Variants in PDE9A observed in about 807,000 individuals in gnomAD.
PDE9A encodes phosphodiesterase 9A, also known as high affinity cGMP-specific 3',5'-cyclic phosphodiesterase 9A.
A neutral mutation model predicts 87.4 loss-of-function variants in PDE9A; 60 were observed. That is an observed-to-expected ratio of 0.69 (90% CI 0.56 to 0.85). The LOEUF (loss-of-function observed/expected upper bound fraction) is 0.85, where lower values mean the gene tolerates loss of function less well. Ranked by LOEUF, PDE9A falls within the 40% of genes least tolerant of loss-of-function variation. PDE9A has a pLI of 0.00. For synonymous variants in PDE9A, 272 were observed against 279.4 expected (o/e 0.97, Z 0.27); for missense variants, 665 against 779.0 (o/e 0.85, Z 1.74).
At chr21:42,701,910 C>T (rs893705453) in intron 4 of PDE9A, among the ~76,000 whole-genome samples, 3 of 152,170 alleles carry the variant, frequency 2.0e-5, no homozygotes, top group African/African-American at 7.2e-5. Context: ...CCTCTGGCAA[C>T]TTAAGATGTT....
chr21:42,686,086 C>A, intron 1 of PDE9A, 106 bp from the exon 2 acceptor site: 2 of 780,362 alleles, frequency 2.6e-6, no homozygotes, highest in Non-Finnish European at 4.4e-6. Context: ...CTTTTCTTTT[C>A]AAAACGAACC....
chr21:42,703,192 T>A (rs552784903), intron 4 of PDE9A, among the ~76,000 whole-genome samples: 1 of 152,278 alleles, frequency 6.6e-6, no homozygotes, highest in African/African-American at 2.4e-5. Context: ...GGGAGGGGGT[T>A]GCTGCGGGTG....
At chr21:42,699,618 C>G (rs1213363286) in intron 4 of PDE9A, among the ~76,000 whole-genome samples, 1 of 151,694 alleles carries the variant, frequency 6.6e-6, no homozygotes, top group Non-Finnish European at 1.5e-5. Flanking sequence ...TGCAGTGGCA[C>G]GATCTCGGCT....
intron 16 of PDE9A, 33 bp from the exon 17 acceptor site, chr21:42,768,994 C>T: frequency 6.3e-7 from 1 of 1,587,400 alleles, no homozygotes; most frequent in Middle Eastern, 1.7e-4. Flanking sequence ...GCATTTCTGT[C>T]TCTAATGTCA....
intron 1 of PDE9A, among the ~76,000 whole-genome samples, chr21:42,667,140 C>T (rs1472096237): frequency 1.3e-5 from 2 of 152,214 alleles, no homozygotes; most frequent in Non-Finnish European, 2.9e-5. Context: ...AGCAAACAAC[C>T]CCAACATGCT....
chr21:42,755,065 A>T (rs777526232), intron 10 of PDE9A, among the ~76,000 whole-genome samples: 1 of 152,106 alleles, frequency 6.6e-6, no homozygotes, highest in African/African-American at 2.4e-5. Context: ...CTCTTTTCAC[A>T]CCCCAAAAAA....
intron 7 of PDE9A, among the ~76,000 whole-genome samples, chr21:42,737,602 T>C (rs13053087): frequency 0.56 from 84,865 of 151,398 alleles, 23,986 homozygotes; most frequent in South Asian, 0.69. Context: ...GGATTATAGC[T>C]GCCCGCCACC....
chr21:42,754,149 T>C, intron 10 of PDE9A, 85 bp downstream of exon 10: 1 of 726,284 alleles, frequency 1.4e-6, no homozygotes, highest in Non-Finnish European at 2.4e-6. Context: ...CCATCGCTCT[T>C]CCTCCTTCTT....
chr21:42,686,171 C>T (rs1234869154), intron 1 of PDE9A, 21 bp from the exon 2 acceptor site: 3 of 1,608,032 alleles, frequency 1.9e-6, no homozygotes, highest in Non-Finnish European at 2.6e-6. Flanking sequence ...GCTGCCGCCT[C>T]ACCGCGCTTC....
chr21:42,753,806 G>A lies in PDE9A; in HGVS notation c.736-184G>A, dbSNP rs569584323. Reference sequence around the variant, plus strand: ...TTGAACCCAGGAGGCAGAGGTTGCCGTGAGCCAAGATCGCACCACTGCACT... The same window carrying A: ...TTGAACCCAGGAGGCAGAGGTTGCCATGAGCCAAGATCGCACCACTGCACT... On this transcript the variant is annotated intron_variant, in intron 9 of 19. Transcript: ENST00000291539. Among the ~76,000 whole-genome samples the A allele has an allele frequency of 1.9e-4, 29 of 149,938 alleles. 2 individuals carry two copies. In the East Asian group the frequency reaches 5.5e-3, roughly 29 times the overall value.
intron 1 of PDE9A, among the ~76,000 whole-genome samples, chr21:42,667,340 G>C (rs1211710967): frequency 6.6e-6 from 1 of 152,172 alleles, no homozygotes; most frequent in Non-Finnish European, 1.5e-5. Context: ...ACAGACCAGG[G>C]AACAGGGTGC....
At chr21:42,657,840 G>A (rs1289315089) in intron 1 of PDE9A, among the ~76,000 whole-genome samples, 5 of 152,340 alleles carry the variant, frequency 3.3e-5, no homozygotes, top group Admixed American at 1.3e-4. Flanking sequence ...CCTCCCTGGC[G>A]CCTCTGGGCT....
chr21:42,664,774 A>G (rs976442337), intron 1 of PDE9A, among the ~76,000 whole-genome samples: 2 of 152,110 alleles, frequency 1.3e-5, no homozygotes, highest in African/African-American at 4.8e-5. Context: ...GATGCCTCCT[A>G]TTTGGGTACA....
chr21:42,774,183 C>T (rs530145671), intron 19 of PDE9A, among the ~76,000 whole-genome samples: 1 of 152,180 alleles, frequency 6.6e-6, no homozygotes, highest in African/African-American at 2.4e-5. Context: ...CTCTCCATGT[C>T]TAACAGATAA....
At chr21:42,684,113 A>G (rs1002082834) in intron 1 of PDE9A, among the ~76,000 whole-genome samples, 3 of 152,382 alleles carry the variant, frequency 2.0e-5, no homozygotes, top group African/African-American at 7.2e-5. Context: ...ACCCGGACCC[A>G]CTGCGTGGGA....
chr21:42,731,445 G>A (rs191588685), intron 4 of PDE9A, among the ~76,000 whole-genome samples: 2 of 152,296 alleles, frequency 1.3e-5, no homozygotes, highest in East Asian at 1.9e-4. Context: ...CAAGGACAGC[G>A]CTGTGAGCAT....
chr21:42,755,654 C>T (rs574621571), intron 10 of PDE9A, among the ~76,000 whole-genome samples: 13 of 152,300 alleles, frequency 8.5e-5, no homozygotes, highest in African/African-American at 2.4e-4. Flanking sequence ...GTTGGAGCTG[C>T]TGGCCTGCAG....
intron 1 of PDE9A, among the ~76,000 whole-genome samples, chr21:42,661,725 A>C (rs2057513499): frequency 6.6e-6 from 1 of 152,022 alleles, no homozygotes; most frequent in Non-Finnish European, 1.5e-5. Flanking sequence ...GCCTGTTGTG[A>C]TGGGTTTATT....
intron 19 of PDE9A, 41 bp downstream of exon 19, chr21:42,772,561 A>C: frequency 7.5e-7 from 1 of 1,330,302 alleles, no homozygotes; most frequent in Non-Finnish European, 1.1e-6. Context: ...AGCGCATACA[A>C]TGATTCTGAC....
Sources: gnomAD v4.1 joint callset for allele counts (sites outside exome capture counted in the v4.1 genomes callset) on GRCh38, gnomAD v4.1.1 for gene constraint, MANE v1.5 for transcripts, NCBI Gene and HGNC (gene_info 2026-07-23, HGNC 2026-07-21) for gene names.